WIPF3: variants seen among roughly 807,000 people sequenced by gnomAD.
WIPF3 encodes WAS/WASL interacting protein family member 3.
WIPF3 carries 33 observed loss-of-function variants against 38.9 expected under a neutral mutation model. The ratio of observed to expected loss-of-function variants is 0.85; its 90% confidence interval spans 0.64 to 1.14. The LOEUF is 1.14. Among genes scored for constraint, WIPF3 ranks in the 50% most tolerant of loss-of-function variants. WIPF3 has a pLI of 0.00. For missense variants in WIPF3, 711 were observed against 652.5 expected, an observed-to-expected ratio of 1.09 and a Z score of -0.98; for synonymous variants, 324 against 269.3, an observed-to-expected ratio of 1.20 and a Z score of -1.99.
At chr7:29,908,945 A>G (rs979565928) in intron 8 of WIPF3, among the ~76,000 whole-genome samples, 1 of 151,964 alleles carries the variant, frequency 6.6e-6, no homozygotes, top group African/African-American at 2.4e-5. Flanking sequence ...ATCAGACAAA[A>G]TATCTTTCCT....
intron 7 of WIPF3, among the ~76,000 whole-genome samples, chr7:29,897,792 G>A (rs1229106621): frequency 1.3e-5 from 2 of 152,174 alleles, no homozygotes; most frequent in African/African-American, 4.8e-5. Flanking sequence ...AAGAACCTCT[G>A]CCCTGATGAG....
intron 1 of WIPF3, among the ~76,000 whole-genome samples, chr7:29,829,373 C>T (rs1391930265): frequency 2.0e-5 from 3 of 152,048 alleles, no homozygotes; most frequent in Non-Finnish European, 4.4e-5. Flanking sequence ...CCTGCCACCA[C>T]ACCTGGCTAA....
At chr7:29,828,664 T>G (rs1312270854) in intron 1 of WIPF3, among the ~76,000 whole-genome samples, 1 of 152,050 alleles carries the variant, frequency 6.6e-6, no homozygotes, top group Non-Finnish European at 1.5e-5. Context: ...TGAGAGGGGC[T>G]CCTACTGCAG....
intron 1 of WIPF3, among the ~76,000 whole-genome samples, chr7:29,808,690 AGTGTGTGTGTGTGTGTGTGT>A (rs59634993): frequency 6.6e-6 from 1 of 150,478 alleles, no homozygotes; most frequent in Non-Finnish European, 1.5e-5. Context: ...GAATGGAGGA[AGTGTGTGTGTGTGTGTGTGT>A]GTGTGTGTGT....
chr7:29,892,942 G>C (rs547878828), intron 7 of WIPF3, among the ~76,000 whole-genome samples: 14 of 152,298 alleles, frequency 9.2e-5, no homozygotes, highest in African/African-American at 2.6e-4. Flanking sequence ...GCGGACGCCC[G>C]TAATCCCAGC....
At position 29,845,283 on chromosome 7, in the gene WIPF3, TA is replaced by T. The variant is rs535400266; in HGVS notation, c.90+10470del. Among the ~76,000 whole-genome samples, 8 of 152,338 alleles carry T rather than the reference TA, an allele frequency of 5.3e-5. No individual in the cohort carries two copies. The South Asian group carries it at 1.7e-3, about 32-fold the overall frequency. On this transcript the variant is annotated intron_variant, in intron 2 of 8. Coordinates refer to ENST00000242140, the MANE Select transcript of WIPF3 (RefSeq NM_001080529.3). ...CTCAGAAGGATAGGGTCTCTGCTGC[TA>T]GCAGTGCGGGGCACATAGTGAGGAC...
chr7:29,889,269 T>A, intron 6 of WIPF3, 37 bp from the exon 7 acceptor site: 1 of 1,549,826 alleles, frequency 6.5e-7, no homozygotes, highest in South Asian at 1.1e-5. Context: ...ATCATGACAG[T>A]AACCTGAGTA....
At chr7:29,901,977 G>A (rs945681861) in intron 7 of WIPF3, among the ~76,000 whole-genome samples, 3 of 152,122 alleles carry the variant, frequency 2.0e-5, no homozygotes, top group African/African-American at 7.2e-5. Context: ...AATGTCTGGA[G>A]CCATTTTTGG....
intron 1 of WIPF3, among the ~76,000 whole-genome samples, chr7:29,829,017 C>T (rs1031178007): frequency 5.3e-5 from 8 of 152,102 alleles, no homozygotes; most frequent in African/African-American, 1.9e-4. Context: ...TTGTGTTCTC[C>T]CACTTCCAAA....
intron 2 of WIPF3, among the ~76,000 whole-genome samples, chr7:29,858,239 C>G (rs929283549): frequency 3.3e-5 from 5 of 152,210 alleles, no homozygotes; most frequent in Non-Finnish European, 7.3e-5. Context: ...TTCTCAGAGT[C>G]TTGTGACTTC....
intron 2 of WIPF3, among the ~76,000 whole-genome samples, chr7:29,857,735 G>T (rs1324940706): frequency 6.6e-6 from 1 of 152,058 alleles, no homozygotes; most frequent in Non-Finnish European, 1.5e-5. Context: ...TGTAAACATT[G>T]AATATATCTC....
intron 1 of WIPF3, among the ~76,000 whole-genome samples, chr7:29,827,613 A>G (rs565434878): frequency 1.3e-5 from 2 of 152,182 alleles, no homozygotes; most frequent in East Asian, 3.9e-4. Flanking sequence ...ATATTGCGTC[A>G]TGGGGTTTAT....
At chr7:29,848,933 A>C (rs150668643) in intron 2 of WIPF3, among the ~76,000 whole-genome samples, 1 of 152,314 alleles carries the variant, frequency 6.6e-6, no homozygotes, top group African/African-American at 2.4e-5. Flanking sequence ...GGACATCAAC[A>C]ACCTCACATT....
At chr7:29,852,133 C>G (rs1785109407) in intron 2 of WIPF3, among the ~76,000 whole-genome samples, 1 of 152,134 alleles carries the variant, frequency 6.6e-6, no homozygotes, top group South Asian at 2.1e-4. Flanking sequence ...TCCCAAATAG[C>G]TGAGACTACA....
intron 2 of WIPF3, among the ~76,000 whole-genome samples, chr7:29,849,025 A>C (rs953892233): frequency 6.6e-5 from 10 of 152,192 alleles, no homozygotes; most frequent in Non-Finnish European, 1.3e-4. Flanking sequence ...GGCATTTGAG[A>C]TCAAATATTA....
chr7:29,831,024 C>T (rs1235358850), intron 1 of WIPF3, among the ~76,000 whole-genome samples: 1 of 152,214 alleles, frequency 6.6e-6, no homozygotes, highest in Non-Finnish European at 1.5e-5. Flanking sequence ...CACTGACGAG[C>T]ATGTTCCCAG....
At chr7:29,835,547 T>TA (rs1456791290) in intron 2 of WIPF3, among the ~76,000 whole-genome samples, 1 of 151,948 alleles carries the variant, frequency 6.6e-6, no homozygotes, top group Non-Finnish European at 1.5e-5. Context: ...ATTGTGGCAG[T>TA]AAAAAAATGG....
Position 29,884,478 on chromosome 7 carries a change from T to A in WIPF3, c.984T>A (p.Pro328=). ...SSSETPPPLP[P]KSPSFQAPPQ... is the part of the protein sequence containing the mutation. The stretch of plus-strand genomic sequence containing the variant: ...GTGAAACTCCACCCCCGCTACCCCC[T>A]AAATCCCCCAGCTTCCAGGCCCCAC... The change falls in exon 5 of 9, where the codon CCT becomes CCA. Residue 328 remains proline (P), a synonymous_variant. Transcript: ENST00000242140. The A allele has an allele frequency of 2.1e-6, 3 of 1,450,102 alleles. No homozygotes were observed. The highest frequency in any genetic ancestry group is 2.7e-6 in the Non-Finnish European group (3 of 1,092,736). The allele number at this position is 1,450,102 out of a possible 1,614,324, so 89.8% of individuals were successfully genotyped here. A position where few individuals can be genotyped will look rare whatever the true frequency, so the allele number is the denominator to read the frequency against.
chr7:29,888,482 TGA>T (rs1491319666), intron 6 of WIPF3, among the ~76,000 whole-genome samples: 12 of 148,246 alleles, frequency 8.1e-5, no homozygotes, highest in Admixed American at 2.7e-4. Flanking sequence ...TTAAACTGTG[TGA>T]GTGTGTGTGC....
Sources: allele counts gnomAD v4.1 joint callset (sites outside exome capture counted in the v4.1 genomes callset), GRCh38; gene constraint gnomAD v4.1.1; transcripts MANE v1.5; gene names NCBI Gene and HGNC (gene_info 2026-07-23, HGNC 2026-07-21).